COL6A6: variants seen among roughly 807,000 people sequenced by gnomAD.
COL6A6 encodes collagen alpha-6(VI) chain.
Under a neutral mutation model 208.6 loss-of-function variants are expected in COL6A6, and 183 were observed. The ratio of observed to expected loss-of-function variants is 0.88; its 90% CI spans 0.78 to 0.99. The LOEUF (loss-of-function observed/expected upper bound fraction) is 0.99, where lower values mean the gene tolerates loss of function less well. COL6A6 is among the 50% of genes least tolerant of loss of function. The probability of loss-of-function intolerance (pLI) is 0.00; values close to 1 mark genes in which losing one functional copy is unlikely to be tolerated. For missense variants in COL6A6, 2,816 were observed against 2,815.2 expected, an observed-to-expected ratio of 1.00 and a Z score of -0.01; for synonymous variants, 973 against 1,011.8, an observed-to-expected ratio of 0.96 and a Z score of 0.73.
chr3:130,582,821 G>C (rs2063456265), intron 10 of COL6A6, among the ~76,000 whole-genome samples: 1 of 152,142 alleles, frequency 6.6e-6, no homozygotes, highest in Admixed American at 6.5e-5. Flanking sequence ...TTGGACAGTA[G>C]AGCTGCCTCA....
At chr3:130,521,917 C>G (rs527914658) in intron 1 of COL6A6, among the ~76,000 whole-genome samples, 8 of 151,240 alleles carry the variant, frequency 5.3e-5, no homozygotes, top group Non-Finnish European at 1.0e-4. Flanking sequence ...CCTACCTGCT[C>G]ATTAACATTG....
chr3:130,664,798 C>T (rs2066030937), intron 35 of COL6A6, among the ~76,000 whole-genome samples: 1 of 152,138 alleles, frequency 6.6e-6, no homozygotes, highest in African/African-American at 2.4e-5. Context: ...GTTGAATTCA[C>T]CTATAAATTC....
intron 1 of COL6A6, among the ~76,000 whole-genome samples, chr3:130,545,708 C>T (rs2062478824): frequency 6.6e-6 from 1 of 152,172 alleles, no homozygotes; most frequent in Admixed American, 6.5e-5. Context: ...CCACCAGCCT[C>T]GGCCTCCCAA....
In COL6A6 at chr3:130,562,244, T is replaced by C. The variant is rs562192310; in HGVS notation, c.65-824T>C. ...ATGTAAAAATGTAGTACCAGATAAG[T>C]AGTGTTGAATCTAACAATGAATGAA... On this transcript the variant is annotated intron_variant, in intron 2 of 36. Coordinates refer to ENST00000358511, the MANE Select transcript of COL6A6 (RefSeq NM_001102608.3). 2.4e-4 allele frequency among the ~76,000 whole-genome samples: 36 copies of C among 152,322 alleles called. No homozygotes were observed. The East Asian group carries it at 4.2e-3, about 18-fold the overall frequency.
At chr3:130,597,644 T>A (rs2063889075) in intron 18 of COL6A6, among the ~76,000 whole-genome samples, 1 of 152,240 alleles carries the variant, frequency 6.6e-6, no homozygotes, top group South Asian at 2.1e-4. Flanking sequence ...CAGCTCTGTT[T>A]GTGGTTCATA....
intron 25 of COL6A6, 91 bp downstream of exon 25, chr3:130,626,638 ATACAATCCTCATGAAGTT>A (rs1222692409): frequency 2.1e-5 from 18 of 867,452 alleles, no homozygotes; most frequent in Non-Finnish European, 5.9e-6. Flanking sequence ...AGTTTTAAGG[ATACAATCCTCATGAAGTT>A]TTATAGTTTT....
rs1483197216 is a variant in COL6A6 at position 130,563,414 on chromosome 3, C to T, written c.411C>T (p.Val137=). The T allele has an allele frequency of 2.5e-6, 4 of 1,613,870 alleles. No homozygotes were observed. Among genetic ancestry groups the T allele is most frequent in the African/African-American group, 2.7e-5 (2 of 74,914 alleles). Residue 137 remains valine, a synonymous_variant, in exon 3 of 37, where the codon GTC becomes GTT. Coordinates refer to ENST00000358511, the MANE Select transcript of COL6A6 (RefSeq NM_001102608.3). ...AACAGTTTCCCCCAATTCTAGTGGTCCTGGCTTCATCTGAGTCTGAGGATA... is the reference window on the plus strand; with the variant it reads ...AACAGTTTCCCCCAATTCTAGTGGTTCTGGCTTCATCTGAGTCTGAGGATA... The part of the protein sequence containing the change: ...DKKQFPPILV[V]LASSESEDNV...
rs999760754 is a variant in COL6A6 at position 130,675,591 on chromosome 3, A to G, written c.*194A>G. ...TGACAATTCCAGCACTCTACGACTG[A>G]TATGTCGAAGAACTGTTTCATTAGA... On this transcript the variant is annotated 3_prime_UTR_variant, in exon 37 of 37. Coordinates refer to ENST00000358511, the MANE Select transcript of COL6A6 (RefSeq NM_001102608.3). 11 of 455,684 alleles carry G rather than the reference A, an allele frequency of 2.4e-5. No individual in the cohort carries two copies. The highest frequency in any genetic ancestry group is 7.4e-5 in the Admixed American group (2 of 27,080). 28.2% of individuals were successfully genotyped at this position (455,684 alleles called of 1,614,324 possible).
chr3:130,624,701 C>T (rs1044755373), intron 24 of COL6A6, among the ~76,000 whole-genome samples: 3 of 152,070 alleles, frequency 2.0e-5, no homozygotes, highest in Non-Finnish European at 2.9e-5. Flanking sequence ...GCAGTTGTGC[C>T]TTAGAAGATC....
At chr3:130,542,254 C>T (rs2062385088) in intron 1 of COL6A6, among the ~76,000 whole-genome samples, 1 of 150,514 alleles carries the variant, frequency 6.6e-6, no homozygotes, top group Admixed American at 6.6e-5. Context: ...TCATTTTATT[C>T]ATCTTTTAAT....
chr3:130,661,993 CA>C lies in COL6A6; in HGVS notation c.6188del (p.His2063LeufsTer12), dbSNP rs1305271238. 11 of 1,613,870 alleles carry C rather than the reference CA, an allele frequency of 6.8e-6. No individual in the cohort carries two copies. The highest frequency in any genetic ancestry group is 1.7e-5 in the Admixed American group (1 of 60,004). On this transcript the variant is annotated frameshift_variant, in exon 35 of 37. Coordinates refer to ENST00000358511, the MANE Select transcript of COL6A6 (RefSeq NM_001102608.3). LOFTEE classifies it high-confidence loss of function. The stretch of plus-strand genomic sequence containing the variant: ...ACTAAATGGAGATGCTTTTATTGGT[CA>C]TGCCTTACAGTGGACTCTGGACAAT... ...KQLNGDAFIG[H>X]ALQWTLDNVF...
At chr3:130,658,582 G>A (rs2065858459) in intron 33 of COL6A6, 94 bp from the exon 34 acceptor site, 2 of 788,646 alleles carry the variant, frequency 2.5e-6, no homozygotes, top group Non-Finnish European at 2.2e-6. Flanking sequence ...AAGGAGCAGT[G>A]TTACTCTCTC....
At chr3:130,586,222 C>T (rs2063537962) in intron 10 of COL6A6, among the ~76,000 whole-genome samples, 1 of 152,170 alleles carries the variant, frequency 6.6e-6, no homozygotes, top group East Asian at 1.9e-4. Context: ...TTAGCATGCT[C>T]TGTAGATCTT....
intron 10 of COL6A6, among the ~76,000 whole-genome samples, chr3:130,582,496 A>G (rs2063448823): frequency 6.6e-6 from 1 of 152,092 alleles, no homozygotes; most frequent in Non-Finnish European, 1.5e-5. Context: ...ATTTTTGGAT[A>G]AATTTACTCA....
At chr3:130,640,608 T>A (rs977142530) in intron 28 of COL6A6, among the ~76,000 whole-genome samples, 25 of 152,246 alleles carry the variant, frequency 1.6e-4, no homozygotes, top group Non-Finnish European at 3.4e-4. Context: ...TAAACTTCAT[T>A]TTTTATTCCT....
chr3:130,635,373 G>A (rs928032269), intron 27 of COL6A6, among the ~76,000 whole-genome samples: 2 of 152,206 alleles, frequency 1.3e-5, no homozygotes, highest in Non-Finnish European at 2.9e-5. Context: ...CTACCTTGGA[G>A]ATACCACTTT....
rs771080310 is a variant in COL6A6 at position 130,586,635 on chromosome 3, T to C, written c.4100T>C (p.Leu1367Pro). The change falls in exon 11 of 37, where the codon CTT becomes CCT. Residue 1367 changes from leucine (L) to proline (P), a missense_variant. Transcript: ENST00000358511. Reference sequence around the variant, plus strand: ...CAGCTCTCTATTGGCATGAGAGAACTTGGAAGCCGGCTGTCAAAGCAGCTG... The same window carrying C: ...CAGCTCTCTATTGGCATGAGAGAACCTGGAAGCCGGCTGTCAAAGCAGCTG... ...RTQLSIGMRELGSRLSKQLVN... is the reference protein window; with the variant it reads ...RTQLSIGMREPGSRLSKQLVN... 6.2e-7 allele frequency: 1 copy of C among 1,612,860 alleles called. No individual in the cohort carries two copies. The highest frequency in any genetic ancestry group is 8.5e-7 in the Non-Finnish European group (1 of 1,179,582).
At chr3:130,528,241 G>T (rs910049228) in intron 1 of COL6A6, among the ~76,000 whole-genome samples, 2 of 152,164 alleles carry the variant, frequency 1.3e-5, no homozygotes, top group Non-Finnish European at 2.9e-5. Flanking sequence ...GGAACAAAAA[G>T]GTTGCCAGAG....
chr3:130,519,056 A>G (rs185226813), intron 1 of COL6A6, among the ~76,000 whole-genome samples: 62 of 152,258 alleles, frequency 4.1e-4, no homozygotes, highest in African/African-American at 1.4e-3. Flanking sequence ...AATACTTGCA[A>G]TTTTCATTTT....
Sources: gnomAD v4.1 joint callset for allele counts (sites outside exome capture counted in the v4.1 genomes callset) on GRCh38, gnomAD v4.1.1 for gene constraint, MANE v1.5 for transcripts, NCBI Gene and HGNC (gene_info 2026-07-23, HGNC 2026-07-21) for gene names.